The following CTBP2 variants were observed in gnomAD, a reference collection of about 807,000 sequenced individuals.
CTBP2 encodes C-terminal binding protein 2.
Under a neutral mutation model 80.3 loss-of-function variants are expected in CTBP2, and 30 were observed. The observed-to-expected ratio is 0.37, with a 90% CI of 0.28 to 0.51. CTBP2 has a LOEUF of 0.51. Ranked by LOEUF, CTBP2 falls within the 20% of genes least tolerant of loss-of-function variation. The probability of loss-of-function intolerance (pLI) is 0.93; values close to 1 mark genes in which losing one functional copy is unlikely to be tolerated. For missense variants in CTBP2, 1,212 were observed against 1,375.3 expected (o/e 0.88, Z 1.88); for synonymous variants, 594 against 587.4 (o/e 1.01, Z -0.16).
At chr10:125,041,504 A>AACCCCCCCC (rs1959757919) in intron 2 of CTBP2, among the ~76,000 whole-genome samples, 1 of 91,134 alleles carries the variant, frequency 1.1e-5, no homozygotes. Context: ...GTCCATCCCC[A>AACCCCCCCC]CCCCCCCCCC....
rs189038278 is a variant in CTBP2, at chr10:125,117,197, G to C, written c.-205-6104C>G. The stretch of plus-strand genomic sequence containing the variant: ...TCTTCAGTTGCAGTGAGGACGCGCA[G>C]TACAACGCATTGTAACGGGGGCAGT... On this transcript the variant is annotated intron_variant, in intron 1 of 10. Transcript: ENST00000337195. Among the ~76,000 whole-genome samples, 208 of 152,356 alleles carry C rather than the reference G, an allele frequency of 1.4e-3. 2 individuals carry two copies. Among genetic ancestry groups the C allele is most frequent in the African/African-American group, 4.5e-3 (189 of 41,578 alleles).
chr10:125,116,311 A>C (rs1483918430), intron 1 of CTBP2, among the ~76,000 whole-genome samples: 2 of 152,256 alleles, frequency 1.3e-5, no homozygotes, highest in East Asian at 1.9e-4. Context: ...AGGTTTCTGG[A>C]AGCATGGTGT....
In CTBP2 at chr10:125,003,344, G is replaced by A. The variant is rs1314450143; in HGVS notation, c.1827C>T (p.His609=). 6 of 1,608,078 alleles carry A rather than the reference G, an allele frequency of 3.7e-6. No homozygotes were observed. The highest frequency in any genetic ancestry group is 1.7e-5 in the Admixed American group (1 of 58,260). ...CCGGGCAGGGTGGGCCCACCTTCTC[G>A]TGGATTTCCTGCGTCGACTGCGCGT... The change falls in exon 2 of 9, where the codon CAC becomes CAT. Residue 609 remains histidine, a synonymous_variant. Transcript: ENST00000309035.
intron 2 of CTBP2, among the ~76,000 whole-genome samples, chr10:125,068,106 AGATGAC>A (rs1844921648): frequency 6.6e-6 from 1 of 152,206 alleles, no homozygotes; most frequent in East Asian, 1.9e-4. Context: ...AAAGCGAGGA[AGATGAC>A]AGCCAATTTC....
chr10:125,098,430 G>A (rs187693654), intron 2 of CTBP2, among the ~76,000 whole-genome samples: 7 of 152,180 alleles, frequency 4.6e-5, no homozygotes, highest in East Asian at 1.9e-4. Context: ...ACCCAGCTGC[G>A]TCTGGTATAT....
intron 2 of CTBP2, among the ~76,000 whole-genome samples, chr10:125,049,041 C>CCACACACACACACACACACACACA (rs1364121384): frequency 1.8e-5 from 2 of 112,410 alleles, no homozygotes. Context: ...GCCCGCCTGA[C>CCACACACACACACACACACACACA]CACAGACACA....
At chr10:124,997,813 G>C (rs965575893) in intron 4 of CTBP2, 151 bp downstream of exon 6, 1 of 759,182 alleles carries the variant, frequency 1.3e-6, no homozygotes. Context: ...TCTTGACTCC[G>C]ATCTCCTACC....
chr10:125,099,639 A>G (rs1291905632), intron 2 of CTBP2, among the ~76,000 whole-genome samples: 2 of 152,240 alleles, frequency 1.3e-5, no homozygotes, highest in African/African-American at 4.8e-5. Context: ...TGTATGGAAA[A>G]TAAGCTCTTG....
At chr10:125,075,874 G>A (rs999138092) in intron 2 of CTBP2, among the ~76,000 whole-genome samples, 14 of 152,312 alleles carry the variant, frequency 9.2e-5, no homozygotes, top group Admixed American at 5.2e-4. Context: ...ACCACCAGGC[G>A]GTTTCTACCA....
At chr10:125,049,041 C>CCACACACACACACACACA (rs1364121384) in intron 2 of CTBP2, among the ~76,000 whole-genome samples, 7 of 112,478 alleles carry the variant, frequency 6.2e-5, no homozygotes, top group East Asian at 7.8e-4. Flanking sequence ...GCCCGCCTGA[C>CCACACACACACACACACA]CACAGACACA....
chr10:125,027,038 G>T lies in CTBP2; in HGVS notation c.722C>A (p.Ala241Asp). 1 of 1,613,548 alleles carries T rather than the reference G, an allele frequency of 6.2e-7. No individual in the cohort carries two copies. Among genetic ancestry groups the T allele is most frequent in the Non-Finnish European group, 8.5e-7 (1 of 1,179,764 alleles). The change falls in exon 1 of 9, where the codon GCC (alanine) becomes GAC (aspartate). Residue 241 changes from alanine to aspartate, a missense_variant. Ala to Asp is a moderately radical substitution (Grantham distance 126, BLOSUM62 -2). Transcript: ENST00000309035. Reference sequence around the variant, plus strand: ...GGCCACCCCTGTGCTGCCTTCGGGGGCAGCAGCTGAACTGGGGTCCACAAC... The same window carrying T: ...GGCCACCCCTGTGCTGCCTTCGGGGTCAGCAGCTGAACTGGGGTCCACAAC...
intron 1 of CTBP2, among the ~76,000 whole-genome samples, chr10:125,131,132 C>T (rs561504871): frequency 7.2e-5 from 11 of 152,256 alleles, no homozygotes; most frequent in African/African-American, 1.4e-4. Context: ...CTGCTGTCCC[C>T]GGCTGGGAGC....
intron 2 of CTBP2, among the ~76,000 whole-genome samples, chr10:125,092,328 C>A (rs1152668): frequency 0.03 from 4,556 of 151,966 alleles, 213 homozygotes; most frequent in African/African-American, 0.1. Context: ...GTAGCTGGGA[C>A]TGCAGTCACG....
chr10:125,038,818 A>C (rs540772696), intron 3 of CTBP2, among the ~76,000 whole-genome samples, 179 bp downstream of exon 3: 27 of 152,340 alleles, frequency 1.8e-4, no homozygotes, highest in African/African-American at 6.5e-4. Flanking sequence ...CCTTGTCCTA[A>C]GCCAAGGCCA....
At chr10:125,011,578 C>G (rs762243552) in intron 1 of CTBP2, among the ~76,000 whole-genome samples, 1 of 152,186 alleles carries the variant, frequency 6.6e-6, no homozygotes, top group Non-Finnish European at 1.5e-5. Flanking sequence ...CCCACACCAT[C>G]AAGTTCAGAA....
At chr10:125,142,862 G>A (rs996708136) in intron 1 of CTBP2, among the ~76,000 whole-genome samples, 4 of 152,140 alleles carry the variant, frequency 2.6e-5, no homozygotes, top group Admixed American at 6.5e-5. Flanking sequence ...ATGCAGCTCC[G>A]CTTCAGATGG....
At chr10:124,992,589 A>G (rs1259355409) in intron 8 of CTBP2, 106 bp downstream of exon 10, 3 of 699,116 alleles carry the variant, frequency 4.3e-6, no homozygotes, top group Non-Finnish European at 7.4e-6. Flanking sequence ...TCTGACCCTG[A>G]CTTAGCATCT....
chr10:125,027,951 G>C lies in CTBP2; in HGVS notation c.-192C>G, dbSNP rs1957823793. ...CGAAACCTTAGCAGACAAAACATAA[G>C]ACTCACGGTAACTTTGCCTCACTCC... On this transcript the variant is annotated 5_prime_UTR_variant, in exon 1 of 9. Transcript: ENST00000309035. The C allele has an allele frequency of 1.2e-5, 17 of 1,400,512 alleles. No individual in the cohort carries two copies. The highest frequency in any genetic ancestry group is 1.6e-5 in the Non-Finnish European group (17 of 1,079,240). The allele number at this position is 1,400,512 out of a possible 1,614,324, so 86.8% of individuals were successfully genotyped here. A position where few individuals can be genotyped will look rare whatever the true frequency, so the allele number is the denominator to read the frequency against.
Position 124,984,370 on chromosome 10 carries a change from T to G in CTBP2, c.*5148A>C, listed in dbSNP as rs1951980343. 6.1e-6 allele frequency: 1 copy of G among 164,414 alleles called. No homozygotes were observed. The highest frequency in any genetic ancestry group is 2.4e-5 in the African/African-American group (1 of 41,766). 10.2% of individuals were successfully genotyped at this position (164,414 alleles called of 1,614,324 possible). A position where few individuals can be genotyped will look rare whatever the true frequency, so the allele number is the denominator to read the frequency against. Reference sequence around the variant, plus strand: ...AATATACTAGTAATTATAAAACGTTTATAATCACAACATGAAGAAAAAAAG... The same window carrying G: ...AATATACTAGTAATTATAAAACGTTGATAATCACAACATGAAGAAAAAAAG... On this transcript the variant is annotated 3_prime_UTR_variant, in exon 9 of 9. Coordinates refer to ENST00000309035, the MANE Select transcript of CTBP2 (RefSeq NM_022802.3).
Sources: gnomAD v4.1 joint callset for allele counts (sites outside exome capture counted in the v4.1 genomes callset) on GRCh38, gnomAD v4.1.1 for gene constraint, MANE v1.5 for transcripts, NCBI Gene and HGNC (gene_info 2026-07-23, HGNC 2026-07-21) for gene names.